MED27: variants seen among roughly 807,000 people sequenced by gnomAD.
The protein encoded by MED27 is mediator complex subunit 27, also known as mediator of RNA polymerase II transcription subunit 27.
A neutral mutation model predicts 38.2 loss-of-function variants in MED27; 30 were observed. The observed-to-expected ratio is 0.79, with a 90% CI of 0.59 to 1.07. MED27 has a LOEUF of 1.07. Among genes scored for constraint, MED27 ranks in the 50% least tolerant of loss-of-function variants. The pLI is 0.00. For missense variants in MED27, 289 were observed against 397.5 expected (o/e 0.73, Z 2.32); for synonymous variants, 122 against 153.5 (o/e 0.79, Z 1.52).
In MED27 at chr9:131,889,360, C is replaced by A. The variant is rs777281235; in HGVS notation, c.681+4525G>T. The stretch of plus-strand genomic sequence containing the variant: ...GCTATAGCATTAACATAACCTAAAT[C>A]CCCCAAAAAGTTAAATTCGAACGAG... On this transcript the variant is annotated intron_variant, in intron 5 of 7. Coordinates refer to ENST00000292035, the MANE Select transcript of MED27 (RefSeq NM_004269.4). The surrounding 1 kb of genome is among the most constrained non-coding windows in gnomAD (Gnocchi z 4.2). 5.9e-5 allele frequency among the ~76,000 whole-genome samples: 9 copies of A among 152,142 alleles called. No homozygotes were observed. The highest frequency in any genetic ancestry group is 1.3e-4 in the Non-Finnish European group (9 of 68,036).
At chr9:131,977,544 T>C (rs1292694863) in intron 3 of MED27, among the ~76,000 whole-genome samples, 1 of 152,180 alleles carries the variant, frequency 6.6e-6, no homozygotes, top group East Asian at 1.9e-4. Context: ...TGGACCACTC[T>C]GCTCTGCGGC....
chr9:131,993,686 A>G (rs1445376480), intron 3 of MED27, among the ~76,000 whole-genome samples: 1 of 152,226 alleles, frequency 6.6e-6, no homozygotes, highest in African/African-American at 2.4e-5. Context: ...ACTGAGACCA[A>G]CATACAGCAG....
At chr9:131,960,689 C>A (rs915640860) in intron 3 of MED27, among the ~76,000 whole-genome samples, 5 of 152,134 alleles carry the variant, frequency 3.3e-5, no homozygotes, top group Admixed American at 6.5e-5. Flanking sequence ...TGAGGGATGA[C>A]AAATTGGAGC....
intron 2 of MED27, among the ~76,000 whole-genome samples, chr9:132,030,897 G>A (rs1564332152): frequency 1.3e-5 from 2 of 152,212 alleles, no homozygotes; most frequent in Non-Finnish European, 2.9e-5. Context: ...AGAAAGAGAG[G>A]TCAACTACAT....
Position 132,035,090 on chromosome 9 carries a change from A to T in MED27, c.349-20623T>A, listed in dbSNP as rs565253397. The stretch of plus-strand genomic sequence containing the variant: ...AAGTGTTCACTGTGGGGCAGGCATT[A>T]AATCCTTGCAATGCAATAAAGGGGA... On this transcript the variant is annotated intron_variant, in intron 2 of 7. Transcript: ENST00000292035. Among the ~76,000 whole-genome samples, 145 of 152,278 alleles carry T rather than the reference A, an allele frequency of 9.5e-4. 1 individual carries two copies. The highest frequency in any genetic ancestry group is 3.4e-3 in the African/African-American group (141 of 41,556).
At chr9:131,884,518 A>C (rs116642709) in intron 5 of MED27, among the ~76,000 whole-genome samples, 12 of 151,852 alleles carry the variant, frequency 7.9e-5, no homozygotes, top group Non-Finnish European at 1.6e-4. Context: ...TACTCCCTTG[A>C]GCTCAAATGT....
At chr9:132,009,832 T>C (rs1252634635) in intron 3 of MED27, among the ~76,000 whole-genome samples, 1 of 152,244 alleles carries the variant, frequency 6.6e-6, no homozygotes, top group African/African-American at 2.4e-5. Flanking sequence ...CGGTGTTTTA[T>C]AAGGGGGTTG....
chr9:131,979,450 T>C (rs1487866417), intron 3 of MED27, among the ~76,000 whole-genome samples: 1 of 143,634 alleles, frequency 7.0e-6, no homozygotes, highest in African/African-American at 2.6e-5. Flanking sequence ...TAAGTCACAC[T>C]ACTTATTTGC....
chr9:131,962,756 T>C (rs953791388), intron 3 of MED27, among the ~76,000 whole-genome samples: 1 of 152,254 alleles, frequency 6.6e-6, no homozygotes, highest in Non-Finnish European at 1.5e-5. Flanking sequence ...GGTGCTATTT[T>C]ATGCTCAATT....
chr9:131,937,485 A>G (rs887506780), intron 4 of MED27, among the ~76,000 whole-genome samples: 11 of 152,186 alleles, frequency 7.2e-5, no homozygotes, highest in African/African-American at 2.2e-4. Flanking sequence ...TCATCAGTCT[A>G]TTAGGACAGA....
chr9:132,031,249 C>G (rs965645057), intron 2 of MED27, among the ~76,000 whole-genome samples: 3 of 152,238 alleles, frequency 2.0e-5, no homozygotes. Flanking sequence ...AATCTGCACA[C>G]TAAATGGTGA....
In MED27 at chr9:131,908,011, C is replaced by T. The variant is rs1589200989; in HGVS notation, c.574-14019G>A. ...CGCCCCGTCTGAGAAGTGAGGAGCC[C>T]CTCCGCCCGGCAGCCGCCCCGTCTG... is the stretch of plus-strand genomic sequence containing the variant. On this transcript the variant is annotated intron_variant, in intron 4 of 7. Coordinates refer to ENST00000292035, the MANE Select transcript of MED27 (RefSeq NM_004269.4). Among the ~76,000 whole-genome samples the T allele has an allele frequency of 9.3e-5, 14 of 150,840 alleles. 2 individuals are homozygous for T. The highest frequency in any genetic ancestry group is 6.6e-5 in the Admixed American group (1 of 15,184).
At chr9:132,069,569 C>T (rs1464588136) in intron 2 of MED27, among the ~76,000 whole-genome samples, 2 of 152,182 alleles carry the variant, frequency 1.3e-5, no homozygotes, top group Non-Finnish European at 2.9e-5. Flanking sequence ...CTGCTCCACT[C>T]TGGGATATTC....
chr9:131,994,145 T>C (rs1832039321), intron 3 of MED27, among the ~76,000 whole-genome samples: 1 of 152,242 alleles, frequency 6.6e-6, no homozygotes, highest in African/African-American at 2.4e-5. Flanking sequence ...TGTTTTGCTG[T>C]AGGAACTTAA....
Position 131,876,067 on chromosome 9 carries a change from C to T in MED27, c.723+7991G>A, listed in dbSNP as rs1312032180. Among the ~76,000 whole-genome samples, 4 of 152,322 alleles carry T rather than the reference C, an allele frequency of 2.6e-5. No individual in the cohort carries two copies. The East Asian group carries it at 7.7e-4, about 29-fold the overall frequency. On this transcript the variant is annotated intron_variant, in intron 6 of 7. Coordinates refer to ENST00000292035, the MANE Select transcript of MED27 (RefSeq NM_004269.4). ...TGTGGGGAATGTGGTGGGAGGTCAG[C>T]CTGGGCTTAGAGAGCGGATGGGTGG...
chr9:131,905,175 G>A (rs1830029587), intron 4 of MED27, among the ~76,000 whole-genome samples: 1 of 152,142 alleles, frequency 6.6e-6, no homozygotes, highest in South Asian at 2.1e-4. Flanking sequence ...CAGAATGAAT[G>A]CCAATGCCTG....
At chr9:132,026,273 A>G (rs1274358580) in intron 2 of MED27, among the ~76,000 whole-genome samples, 8 of 152,174 alleles carry the variant, frequency 5.3e-5, no homozygotes, top group Admixed American at 3.3e-4. Flanking sequence ...AGGAGTGAGA[A>G]AATAAGAATA....
At chr9:132,035,528 T>A (rs1048711419) in intron 2 of MED27, among the ~76,000 whole-genome samples, 3 of 151,892 alleles carry the variant, frequency 2.0e-5, no homozygotes, top group Non-Finnish European at 4.4e-5. Flanking sequence ...GCCGCAATAG[T>A]AAATAGTGTG....
At chr9:132,074,434 C>T (rs1214280528) in intron 2 of MED27, among the ~76,000 whole-genome samples, 2 of 152,176 alleles carry the variant, frequency 1.3e-5, no homozygotes, top group Non-Finnish European at 1.5e-5. Flanking sequence ...GGTATCAAAG[C>T]CTTTCTCATA....
Sources: gnomAD v4.1 joint callset for allele counts (sites outside exome capture counted in the v4.1 genomes callset) on GRCh38, gnomAD v4.1.1 for gene constraint, Gnocchi (gnomAD v3.1) non-coding constraint, MANE v1.5 for transcripts, NCBI Gene and HGNC (gene_info 2026-07-23, HGNC 2026-07-21) for gene names.